BRAF: variants seen among roughly 807,000 people sequenced by gnomAD.
BRAF encodes the protein serine/threonine-protein kinase B-raf.
In BRAF, 16 loss-of-function variants were observed where a neutral mutation model predicts 104.6. The observed-to-expected ratio is 0.15, with a 90% CI of 0.10 to 0.23. The LOEUF is 0.23. Among genes scored for constraint, BRAF ranks in the 10% least tolerant of loss-of-function variants. BRAF has a pLI of 1.00. For synonymous variants in BRAF, 310 were observed against 341.6 expected, an observed-to-expected ratio of 0.91 and a Z score of 1.02; for missense variants, 541 against 937.3, an observed-to-expected ratio of 0.58 and a Z score of 5.52.
intron 1 of BRAF, among the ~76,000 whole-genome samples, chr7:140,922,603 C>A (rs923035268): frequency 6.6e-6 from 1 of 152,140 alleles, no homozygotes; most frequent in African/African-American, 2.4e-5. Context: ...AAACAAGATA[C>A]AATTCAACAA....
At chr7:140,869,280 T>G (rs186960800) in intron 1 of BRAF, among the ~76,000 whole-genome samples, 121 of 152,188 alleles carry the variant, frequency 8.0e-4, no homozygotes, top group Non-Finnish European at 1.4e-3. Context: ...CTTTCCCCCA[T>G]CCCCTTCTTA....
intron 1 of BRAF, among the ~76,000 whole-genome samples, chr7:140,902,930 T>A (rs1815825323): frequency 6.6e-6 from 1 of 150,866 alleles, no homozygotes; most frequent in African/African-American, 2.4e-5. Context: ...CTTTTTTTTT[T>A]TTTTTTTTTT....
chr7:140,875,299 C>T (rs1464176416), intron 1 of BRAF, among the ~76,000 whole-genome samples: 4 of 152,134 alleles, frequency 2.6e-5, no homozygotes, highest in South Asian at 2.1e-4. Flanking sequence ...TCAAAAAGGT[C>T]GGTGAATCCA....
Position 140,724,187 on chromosome 7 carries a change from C to T in BRAF, c.*2307G>A, listed in dbSNP as rs2130826370. ...AGAAACTGAAATGCTAAGCTTCCTC[C>T]CTAATGGTACCGCCCCTGCCCCTGC... On this transcript the variant is annotated 3_prime_UTR_variant, in exon 20 of 20. Transcript: ENST00000644969. The T allele has an allele frequency of 7.6e-6, 8 of 1,056,356 alleles. No individual in the cohort carries two copies. The highest frequency in any genetic ancestry group is 8.0e-6 in the Non-Finnish European group (7 of 873,750). The allele number at this position is 1,056,356 out of a possible 1,614,324, so 65.4% of individuals were successfully genotyped here. A position where few individuals can be genotyped will look rare whatever the true frequency, so the allele number is the denominator to read the frequency against.
chr7:140,770,761 A>C (rs1799763611), intron 14 of BRAF, among the ~76,000 whole-genome samples: 1 of 151,626 alleles, frequency 6.6e-6, no homozygotes, highest in Non-Finnish European at 1.5e-5. Context: ...CATGGTGAAA[A>C]CCCGTTTACT....
intron 3 of BRAF, among the ~76,000 whole-genome samples, chr7:140,814,708 T>A (rs534128480): frequency 1.4e-5 from 2 of 145,538 alleles, no homozygotes; most frequent in African/African-American, 5.1e-5. Context: ...ATACTTTATA[T>A]ATAATGTATA....
At chr7:140,809,319 G>C (rs192453439) in intron 3 of BRAF, among the ~76,000 whole-genome samples, 51 of 152,256 alleles carry the variant, frequency 3.3e-4, no homozygotes, top group Admixed American at 1.4e-3. Flanking sequence ...AATAATAGAT[G>C]TCAATATTAA....
At chr7:140,787,040 G>A (rs572657015) in intron 9 of BRAF, among the ~76,000 whole-genome samples, 4 of 152,078 alleles carry the variant, frequency 2.6e-5, no homozygotes, top group African/African-American at 7.2e-5. Flanking sequence ...GGTGGCTCAC[G>A]CCTGTAATCC....
chr7:140,754,326 T>C (rs1348784106), intron 14 of BRAF, 93 bp from the exon 14 acceptor site: 3 of 1,061,866 alleles, frequency 2.8e-6, no homozygotes, highest in African/African-American at 1.6e-5. Flanking sequence ...AAGACTTATT[T>C]AGAATCATGA....
chr7:140,899,272 C>T (rs1815325825), intron 1 of BRAF, among the ~76,000 whole-genome samples: 1 of 147,190 alleles, frequency 6.8e-6, no homozygotes, highest in Non-Finnish European at 1.5e-5. Flanking sequence ...TCAGGCTCCA[C>T]CCAATTCCTA....
At chr7:140,784,719 A>C (rs764913295) in intron 10 of BRAF, among the ~76,000 whole-genome samples, 25 of 149,104 alleles carry the variant, frequency 1.7e-4, no homozygotes, top group Non-Finnish European at 2.8e-4. Context: ...ATCTCGGCTC[A>C]CTGCAACCTC....
At chr7:140,815,875 T>C (rs1423953810) in intron 3 of BRAF, among the ~76,000 whole-genome samples, 1 of 152,228 alleles carries the variant, frequency 6.6e-6, no homozygotes, top group African/African-American at 2.4e-5. Context: ...GCGTGCCTCC[T>C]GGTCAGGTTG....
At chr7:140,742,703 A>G (rs1255526777) in intron 17 of BRAF, among the ~76,000 whole-genome samples, 1 of 152,224 alleles carries the variant, frequency 6.6e-6, no homozygotes, top group Non-Finnish European at 1.5e-5. Context: ...AATGGCAACA[A>G]AAGCCAAAAT....
At chr7:140,727,912 T>G (rs897955375) in intron 19 of BRAF, among the ~76,000 whole-genome samples, 1 of 152,174 alleles carries the variant, frequency 6.6e-6, no homozygotes, top group East Asian at 1.9e-4. Flanking sequence ...TGAGCCACCA[T>G]GCCCGGCCAG....
chr7:140,805,003 C>A (rs1287354219), intron 5 of BRAF, among the ~76,000 whole-genome samples: 1 of 151,994 alleles, frequency 6.6e-6, no homozygotes, highest in Non-Finnish European at 1.5e-5. Flanking sequence ...GAGGTTTTGT[C>A]ATGTTACCCA....
chr7:140,812,003 G>A (rs150420100), intron 3 of BRAF, among the ~76,000 whole-genome samples: 2 of 152,248 alleles, frequency 1.3e-5, no homozygotes, highest in African/African-American at 2.4e-5. Context: ...ACTGGTGACC[G>A]ATCTTTAGTT....
intron 14 of BRAF, among the ~76,000 whole-genome samples, chr7:140,762,021 G>C (rs1487379500): frequency 6.6e-6 from 1 of 152,080 alleles, no homozygotes; most frequent in Non-Finnish European, 1.5e-5. Flanking sequence ...ATTGAACTCA[G>C]CTCTGCACCA....
chr7:140,897,717 G>A (rs1008266926), intron 1 of BRAF, among the ~76,000 whole-genome samples: 1 of 151,680 alleles, frequency 6.6e-6, no homozygotes, highest in African/African-American at 2.4e-5. Context: ...TGCCAGGATG[G>A]TCTCAATCTC....
chr7:140,883,679 T>G (rs1010132338), intron 1 of BRAF, among the ~76,000 whole-genome samples: 1 of 152,242 alleles, frequency 6.6e-6, no homozygotes, highest in Non-Finnish European at 1.5e-5. Context: ...AATATATCCT[T>G]GAATGATGAT....
Sources: gnomAD v4.1 joint callset for allele counts (sites outside exome capture counted in the v4.1 genomes callset) on GRCh38, gnomAD v4.1.1 for gene constraint, MANE v1.5 for transcripts, NCBI Gene and HGNC (gene_info 2026-07-23, HGNC 2026-07-21) for gene names.